The following IL12RB2 variants were observed in gnomAD, a reference collection of about 807,000 sequenced individuals.
The protein encoded by IL12RB2 is interleukin 12 receptor subunit beta 2.
IL12RB2 carries 82 observed loss-of-function variants against 89.4 expected under a neutral mutation model. The observed-to-expected ratio is 0.92, with a 90% CI of 0.77 to 1.10. The LOEUF is 1.10. IL12RB2 is among the 50% of genes least tolerant of loss of function. The probability of loss-of-function intolerance (pLI) is 0.00; values close to 1 mark genes in which losing one functional copy is unlikely to be tolerated. For synonymous variants in IL12RB2, 368 were observed against 370.1 expected, an observed-to-expected ratio of 0.99 and a Z score of 0.07; for missense variants, 963 against 1,031.9, an observed-to-expected ratio of 0.93 and a Z score of 0.92.
At chr1:67,362,245 T>C (rs1037857957) in intron 10 of IL12RB2, among the ~76,000 whole-genome samples, 4 of 147,768 alleles carry the variant, frequency 2.7e-5, no homozygotes, top group Non-Finnish European at 5.9e-5. Context: ...TACTCCAGCC[T>C]GGGTAACAAA....
intron 14 of IL12RB2, among the ~76,000 whole-genome samples, chr1:67,383,000 C>T (rs948356423): frequency 2.6e-5 from 4 of 152,114 alleles, no homozygotes; most frequent in African/African-American, 9.7e-5. Context: ...CATACATATC[C>T]CATGTGAATT....
chr1:67,353,473 G>C (rs951055502), intron 10 of IL12RB2, among the ~76,000 whole-genome samples: 2 of 152,176 alleles, frequency 1.3e-5, no homozygotes, highest in African/African-American at 4.8e-5. Flanking sequence ...GGAGGATGAG[G>C]TGGAAGGATT....
chr1:67,391,549 T>A (rs918026686), intron 16 of IL12RB2, among the ~76,000 whole-genome samples: 1 of 149,194 alleles, frequency 6.7e-6, no homozygotes, highest in Non-Finnish European at 1.5e-5. Context: ...ATTATTATAA[T>A]TTAGATATAT....
intron 13 of IL12RB2, among the ~76,000 whole-genome samples, chr1:67,379,509 CAAAA>C (rs58494224): frequency 4.4e-5 from 3 of 68,492 alleles, no homozygotes; most frequent in African/African-American, 5.9e-5. Context: ...GAACCTGTCT[CAAAA>C]AAAAAAAAAA....
In IL12RB2 at chr1:67,329,677, T is replaced by C. The variant is rs1380169444; in HGVS notation, c.755T>C (p.Val252Ala). The C allele has an allele frequency of 1.9e-6, 3 of 1,597,516 alleles. No homozygotes were observed. The highest frequency in any genetic ancestry group is 2.6e-6 in the Non-Finnish European group (3 of 1,164,812). Residue 252 changes from valine (V) to alanine (A), a missense_variant, in exon 7 of 17, where the codon GTA (valine) becomes GCA (alanine). By Grantham distance (64) the Val-to-Ala change is moderately conservative. Transcript: ENST00000674203. ...CTLYWRDEGLVLLNRLRYRPS... is the reference protein window; with the variant it reads ...CTLYWRDEGLALLNRLRYRPS... ...CTTTATTGGAGAGATGAGGGACTGG[T>C]ACTGCTTAATCGACTCAGATATCGG... is the stretch of plus-strand genomic sequence containing the variant.
At chr1:67,373,924 G>A (rs1011374306) in intron 13 of IL12RB2, among the ~76,000 whole-genome samples, 2 of 152,134 alleles carry the variant, frequency 1.3e-5, no homozygotes, top group East Asian at 1.9e-4. Flanking sequence ...TAAGAGGTCC[G>A]CAGTGTGACT....
At chr1:67,337,075 C>T (rs1432041527) in intron 8 of IL12RB2, among the ~76,000 whole-genome samples, 1 of 152,198 alleles carries the variant, frequency 6.6e-6, no homozygotes, top group African/African-American at 2.4e-5. Flanking sequence ...CTGAAGCTCA[C>T]ACTGACTACT....
In IL12RB2 at chr1:67,377,174, C is replaced by T. The variant is rs140536834; in HGVS notation, c.1718-2812C>T. ...GCAGGGATGGGATAATGGAAGGGGT[C>T]TCTTTTCCCCATTAGATAGTGGACT... On this transcript the variant is annotated intron_variant, in intron 13 of 16. Transcript: ENST00000674203. 1.8e-4 allele frequency among the ~76,000 whole-genome samples: 28 copies of T among 152,312 alleles called. No individual in the cohort carries two copies. In the East Asian group the frequency reaches 5.4e-3, roughly 29 times the overall value.
chr1:67,379,782 A>G, intron 13 of IL12RB2: 1 of 461,682 alleles, frequency 2.2e-6, no homozygotes, highest in East Asian at 3.3e-5. Flanking sequence ...TTTGTTTAAT[A>G]TGCTGTGGAG....
At chr1:67,318,093 CA>C (rs1321824236) in intron 2 of IL12RB2, among the ~76,000 whole-genome samples, 1 of 152,024 alleles carries the variant, frequency 6.6e-6, no homozygotes, top group African/African-American at 2.4e-5. Context: ...CACGAAGACG[CA>C]AGGGAAGAGG....
chr1:67,346,532 A>G (rs1258052742), intron 9 of IL12RB2, among the ~76,000 whole-genome samples: 2 of 151,872 alleles, frequency 1.3e-5, no homozygotes, highest in Non-Finnish European at 1.5e-5. Context: ...GATTACAGGC[A>G]TGCACCATTA....
intron 14 of IL12RB2, 130 bp from the exon 15 acceptor site, chr1:67,386,449 A>G: frequency 1.3e-6 from 1 of 762,346 alleles, no homozygotes; most frequent in South Asian, 1.4e-5. Context: ...ACAAAAGTGA[A>G]TTTACCTTAT....
chr1:67,362,582 A>AG (rs1662206621), intron 10 of IL12RB2, among the ~76,000 whole-genome samples: 1 of 149,916 alleles, frequency 6.7e-6, no homozygotes, highest in African/African-American at 2.4e-5. Flanking sequence ...CAAAAAAAAA[A>AG]AAAAAAAAAA....
intron 16 of IL12RB2, among the ~76,000 whole-genome samples, chr1:67,394,111 G>A (rs1666115309): frequency 1.3e-5 from 2 of 152,170 alleles, no homozygotes; most frequent in African/African-American, 4.8e-5. Flanking sequence ...AAGCAAAAGT[G>A]TGTGGGGCAC....
chr1:67,366,134 G>A (rs768230776), intron 10 of IL12RB2, among the ~76,000 whole-genome samples: 81 of 152,118 alleles, frequency 5.3e-4, no homozygotes, highest in Non-Finnish European at 1.5e-4. Context: ...AGTAATATAT[G>A]AAAAGAAGCT....
rs902866406 is a variant in IL12RB2, at chr1:67,396,416, T to C, written c.*327T>C. ...GGAGAGTAGAAACCACAGCTCTTAGTAGTAATGGCATACAGTCTAGAGGAC... is the reference window on the plus strand; with the variant it reads ...GGAGAGTAGAAACCACAGCTCTTAGCAGTAATGGCATACAGTCTAGAGGAC... On this transcript the variant is annotated 3_prime_UTR_variant, in exon 17 of 17. Transcript: ENST00000674203. 1.3e-5 allele frequency: 6 copies of C among 446,946 alleles called. No homozygotes were observed. The highest frequency in any genetic ancestry group is 2.5e-5 in the Non-Finnish European group (6 of 239,772). The allele number at this position is 446,946 out of a possible 1,614,324, so 27.7% of individuals were successfully genotyped here.
chr1:67,333,688 C>T (rs1433089352), intron 8 of IL12RB2, among the ~76,000 whole-genome samples: 1 of 152,156 alleles, frequency 6.6e-6, no homozygotes, highest in Non-Finnish European at 1.5e-5. Context: ...TTGAAATCAG[C>T]ATCCATCAAA....
rs1375300688 is a variant in IL12RB2 at position 67,397,807 on chromosome 1, C to T, written c.*1718C>T. ...CACATGAACGCTGGAACTGAGATGG[C>T]TTCCCCATCATCGTCTGGATTTTCA... On this transcript the variant is annotated 3_prime_UTR_variant, in exon 17 of 17. Coordinates refer to ENST00000674203, the MANE Select transcript of IL12RB2 (RefSeq NM_001374259.2). Among the ~76,000 whole-genome samples the T allele has an allele frequency of 6.6e-6, 1 of 152,170 alleles. No homozygotes were observed. The highest frequency in any genetic ancestry group is 2.4e-5 in the African/African-American group (1 of 41,424).
At chr1:67,326,634 C>A (rs577097542) in intron 4 of IL12RB2, 101 bp from the exon 5 acceptor site, 91 of 1,515,054 alleles carry the variant, frequency 6.0e-5, no homozygotes, top group Non-Finnish European at 7.0e-5. Flanking sequence ...CCTGGGTTTA[C>A]GGCATGTGGG....
Sources: gnomAD v4.1 joint callset for allele counts (sites outside exome capture counted in the v4.1 genomes callset) on GRCh38, gnomAD v4.1.1 for gene constraint, MANE v1.5 for transcripts, NCBI Gene and HGNC (gene_info 2026-07-23, HGNC 2026-07-21) for gene names.